Variants in FAM222A observed in about 807,000 individuals in gnomAD.
FAM222A encodes protein FAM222A.
Under a neutral mutation model 25.8 loss-of-function variants are expected in FAM222A, and 7 were observed. That is an observed-to-expected ratio of 0.27 (90% CI 0.15 to 0.51). FAM222A has a LOEUF of 0.51. Among genes scored for constraint, FAM222A ranks in the 20% least tolerant of loss-of-function variants. The probability of loss-of-function intolerance (pLI) is 0.97; values close to 1 mark genes in which losing one functional copy is unlikely to be tolerated. For synonymous variants in FAM222A, 294 were observed against 298.8 expected, an observed-to-expected ratio of 0.98 and a Z score of 0.17; for missense variants, 573 against 640.5, an observed-to-expected ratio of 0.89 and a Z score of 1.14.
At chr12:109,738,917 A>G (rs1208535265) in intron 1 of FAM222A, among the ~76,000 whole-genome samples, 1 of 152,236 alleles carries the variant, frequency 6.6e-6, no homozygotes, top group Non-Finnish European at 1.5e-5. Flanking sequence ...TCACCCAGCC[A>G]GTGAGAACCC....
At chr12:109,763,319 G>A (rs1363123975) in intron 2 of FAM222A, among the ~76,000 whole-genome samples, 1 of 152,220 alleles carries the variant, frequency 6.6e-6, no homozygotes, top group Non-Finnish European at 1.5e-5. Context: ...GTCACCTACT[G>A]CCGTGTGACA....
intron 1 of FAM222A, among the ~76,000 whole-genome samples, chr12:109,732,540 A>G (rs1248983360): frequency 6.6e-6 from 1 of 152,238 alleles, no homozygotes; most frequent in Non-Finnish European, 1.5e-5. Context: ...TCTTTTCCAC[A>G]TCAGATCATT....
chr12:109,725,812 G>T (rs1458856169), intron 1 of FAM222A, among the ~76,000 whole-genome samples: 1 of 151,972 alleles, frequency 6.6e-6, no homozygotes. Flanking sequence ...TGTCTGTTTC[G>T]TCTCATTTGT....
rs145126230 is a variant in FAM222A at position 109,748,972 on chromosome 12, G to A, written c.82+4744G>A. Among the ~76,000 whole-genome samples, 150 of 152,132 alleles carry A rather than the reference G, an allele frequency of 9.9e-4. 3 individuals carry two copies. In the East Asian group the frequency reaches 0.028, roughly 28 times the overall value. ...AAAAAGGAGAAATTCAGGCTACAAA[G>A]TCTCTGAGCACTTCCGAGCTATATG... is the stretch of plus-strand genomic sequence containing the variant. On this transcript the variant is annotated intron_variant, in intron 2 of 2. Transcript: ENST00000538780.
At chr12:109,750,299 T>G (rs1888526586) in intron 2 of FAM222A, among the ~76,000 whole-genome samples, 1 of 152,138 alleles carries the variant, frequency 6.6e-6, no homozygotes. Context: ...TTTCTTAGAG[T>G]TCACTTCATA....
At chr12:109,747,136 C>A (rs555911877) in intron 2 of FAM222A, among the ~76,000 whole-genome samples, 1 of 152,316 alleles carries the variant, frequency 6.6e-6, no homozygotes, top group East Asian at 1.9e-4. Context: ...CTCTGTTTCC[C>A]AGGCTGGAGT....
At chr12:109,723,619 G>A (rs1887789585) in intron 1 of FAM222A, among the ~76,000 whole-genome samples, 1 of 152,352 alleles carries the variant, frequency 6.6e-6, no homozygotes, top group South Asian at 2.1e-4. Flanking sequence ...GGGAAGCCCT[G>A]CCAAGCCCCA....
chr12:109,758,986 T>C lies in FAM222A; in HGVS notation c.83-9026T>C, dbSNP rs570729085. ...CTGTGTGCTTGCACACCTTTCACTCTCCCCTCTCCTATGGGAAGGCGAGAA... is the reference window on the plus strand; with the variant it reads ...CTGTGTGCTTGCACACCTTTCACTCCCCCCTCTCCTATGGGAAGGCGAGAA... On this transcript the variant is annotated intron_variant, in intron 2 of 2. Transcript: ENST00000538780. Among the ~76,000 whole-genome samples, 20 of 152,280 alleles carry C rather than the reference T, an allele frequency of 1.3e-4. No homozygotes were observed. In the East Asian group the frequency reaches 3.5e-3, roughly 26 times the overall value.
rs757766627 is a variant in FAM222A at position 109,767,062 on chromosome 12, CTTTTTTT to C, written c.83-932_83-926del. ...AGGCATGCACCATAATGCTTGGCTT[CTTTTTTT>C]TTTTTTTTTTTTTTTTTCTTATAAA... On this transcript the variant is annotated intron_variant, in intron 2 of 2. Coordinates refer to ENST00000538780, the MANE Select transcript of FAM222A (RefSeq NM_032829.3). Among the ~76,000 whole-genome samples, 664 of 93,080 alleles carry C rather than the reference CTTTTTTT, an allele frequency of 7.1e-3. 5 individuals are homozygous for C. Among genetic ancestry groups the C allele is most frequent in the African/African-American group, 0.027 (625 of 23,332 alleles). The allele number at this position is 93,080 out of a possible 152,430, so 61.1% of individuals were successfully genotyped here.
At chr12:109,744,745 T>C (rs1207873768) in intron 2 of FAM222A, 1 of 985,282 alleles carries the variant, frequency 1.0e-6, no homozygotes, top group Non-Finnish European at 1.2e-6. Context: ...GATTTGGTTA[T>C]TTTTAGCTAT....
chr12:109,742,858 G>A (rs964891613), intron 1 of FAM222A, among the ~76,000 whole-genome samples: 1 of 152,080 alleles, frequency 6.6e-6, no homozygotes, highest in Non-Finnish European at 1.5e-5. Context: ...TGTGAAATTA[G>A]TATCTTAAGA....
chr12:109,723,657 C>A (rs1029107078), intron 1 of FAM222A, among the ~76,000 whole-genome samples: 1 of 152,238 alleles, frequency 6.6e-6, no homozygotes, highest in African/African-American at 2.4e-5. Flanking sequence ...TGCTCCCACT[C>A]CTGGCGAAGG....
At chr12:109,724,973 C>T (rs943971610) in intron 1 of FAM222A, among the ~76,000 whole-genome samples, 13 of 152,038 alleles carry the variant, frequency 8.6e-5, no homozygotes, top group Admixed American at 7.2e-4. Context: ...CGGAAACCAC[C>T]GTGCAATCTA....
At chr12:109,722,235 GGAGA>G (rs1339251707) in intron 1 of FAM222A, among the ~76,000 whole-genome samples, 1 of 152,338 alleles carries the variant, frequency 6.6e-6, no homozygotes, top group African/African-American at 2.4e-5. Context: ...GCTAGAATGT[GGAGA>G]GAGAGGACTG....
intron 1 of FAM222A, among the ~76,000 whole-genome samples, chr12:109,716,727 C>A (rs570580632): frequency 6.6e-6 from 1 of 152,360 alleles, no homozygotes; most frequent in South Asian, 2.1e-4. Context: ...ATTTACACTT[C>A]CACAGCCAAG....
Position 109,770,450 on chromosome 12 carries a change from CTA to C in FAM222A, c.*1166_*1167del, listed in dbSNP as rs1287828301. ...TCTACTGTGAGAAGTGCAGTCTGCA[CTA>C]TATTGTTTTAAAAACGAAGAGAAAG... is the stretch of plus-strand genomic sequence containing the variant. On this transcript the variant is annotated 3_prime_UTR_variant, in exon 3 of 3. Coordinates refer to ENST00000538780, the MANE Select transcript of FAM222A (RefSeq NM_032829.3). 6.6e-6 allele frequency: 1 copy of C among 152,492 alleles called. No homozygotes were observed. The highest frequency in any genetic ancestry group is 1.5e-5 in the Non-Finnish European group (1 of 68,038). 9.4% of individuals were successfully genotyped at this position (152,492 alleles called of 1,614,324 possible). A position where few individuals can be genotyped will look rare whatever the true frequency, so the allele number is the denominator to read the frequency against.
chr12:109,760,760 G>A (rs749283), intron 2 of FAM222A, among the ~76,000 whole-genome samples: 120,728 of 152,212 alleles, frequency 0.79, 48,139 homozygotes, highest in Middle Eastern at 0.83. Context: ...GTTTGGCACA[G>A]TGCCTGGCCT....
chr12:109,751,381 C>T (rs1387936036), intron 2 of FAM222A, among the ~76,000 whole-genome samples: 1 of 152,152 alleles, frequency 6.6e-6, no homozygotes, highest in African/African-American at 2.4e-5. Context: ...CATTAATTTA[C>T]TTATGCTTTG....
At chr12:109,726,500 T>G (rs1332706494) in intron 1 of FAM222A, among the ~76,000 whole-genome samples, 1 of 152,216 alleles carries the variant, frequency 6.6e-6, no homozygotes, top group Non-Finnish European at 1.5e-5. Context: ...GTAACCATTG[T>G]ACCATCCTCC....
Sources: gnomAD v4.1 joint callset for allele counts (sites outside exome capture counted in the v4.1 genomes callset) on GRCh38, gnomAD v4.1.1 for gene constraint, MANE v1.5 for transcripts, NCBI Gene and HGNC (gene_info 2026-07-23, HGNC 2026-07-21) for gene names.